Variants in UBE3A observed in about 807,000 individuals in gnomAD.
The protein encoded by UBE3A is ubiquitin protein ligase E3A.
A neutral mutation model predicts 83.4 loss-of-function variants in UBE3A; 6 were observed. The ratio of observed to expected loss-of-function variants is 0.07; its 90% CI spans 0.04 to 0.14. The LOEUF (loss-of-function observed/expected upper bound fraction) is 0.14, where lower values mean the gene tolerates loss of function less well. Among genes scored for constraint, UBE3A ranks in the 10% least tolerant of loss-of-function variants. The pLI, the probability that UBE3A is intolerant of heterozygous loss-of-function variation, is 1.00. For missense variants in UBE3A, 456 were observed against 1,036.1 expected, an observed-to-expected ratio of 0.44 and a Z score of 7.69; for synonymous variants, 337 against 355.4, an observed-to-expected ratio of 0.95 and a Z score of 0.58.
chr15:25,365,805 C>G (rs1456080389), intron 6 of UBE3A, among the ~76,000 whole-genome samples: 1 of 150,726 alleles, frequency 6.6e-6, no homozygotes, highest in Non-Finnish European at 1.5e-5. Flanking sequence ...CTACTTCAGT[C>G]AACTTGAGGC....
At position 25,369,923 on chromosome 15, in the gene UBE3A, C is replaced by G. The variant is rs552070479; in HGVS notation, c.1608+643G>C. ...ACTTGATGTTACAGGCACCACTAATCCCCAGATTTTTGGAATAGCTGCTGT... is the reference window on the plus strand; with the variant it reads ...ACTTGATGTTACAGGCACCACTAATGCCCAGATTTTTGGAATAGCTGCTGT... On this transcript the variant is annotated intron_variant, in intron 6 of 12. Coordinates refer to ENST00000648336, the MANE Select transcript of UBE3A (RefSeq NM_130839.5). 4.6e-5 allele frequency among the ~76,000 whole-genome samples: 7 copies of G among 152,270 alleles called. No homozygotes were observed. In the South Asian group the frequency reaches 1.5e-3, roughly 32 times the overall value.
At chr15:25,407,203 A>T in intron 3 of UBE3A, 6 of 1,323,114 alleles carry the variant, frequency 4.5e-6, no homozygotes, top group Non-Finnish European at 6.0e-6. Context: ...CTCCAGCATC[A>T]GATGTCATAC....
At chr15:25,384,528 A>C (rs1313284420) in intron 4 of UBE3A, among the ~76,000 whole-genome samples, 1 of 151,984 alleles carries the variant, frequency 6.6e-6, no homozygotes, top group Non-Finnish European at 1.5e-5. Context: ...AATACAAATA[A>C]ATGGAAAGAC....
At chr15:25,412,567 A>C (rs559042843) in intron 1 of UBE3A, among the ~76,000 whole-genome samples, 1 of 152,310 alleles carries the variant, frequency 6.6e-6, no homozygotes, top group Non-Finnish European at 1.5e-5. Context: ...ATCAAAACTT[A>C]ACTCTTAAAA....
At chr15:25,428,712 T>C (rs1275543444) in intron 1 of UBE3A, among the ~76,000 whole-genome samples, 1 of 152,200 alleles carries the variant, frequency 6.6e-6, no homozygotes, top group Non-Finnish European at 1.5e-5. Context: ...TGAGATAGCA[T>C]TTCACATGCC....
intron 1 of UBE3A, among the ~76,000 whole-genome samples, chr15:25,423,608 T>C (rs544601512): frequency 6.6e-6 from 1 of 152,254 alleles, no homozygotes; most frequent in East Asian, 1.9e-4. Flanking sequence ...CCATCTCAGG[T>C]TTCTCAAGGA....
intron 1 of UBE3A, among the ~76,000 whole-genome samples, chr15:25,428,033 T>C (rs529925233): frequency 6.6e-6 from 1 of 152,120 alleles, no homozygotes; most frequent in South Asian, 2.1e-4. Flanking sequence ...GCTAAAAAAG[T>C]ATATCTCAAG....
chr15:25,391,828 G>T (rs1273205610), intron 4 of UBE3A: 1 of 152,272 alleles, frequency 6.6e-6, no homozygotes, highest in African/African-American at 2.4e-5. Flanking sequence ...GGGTAAAACA[G>T]TTTTGAGTTG....
chr15:25,405,298 A>G (rs771512743), intron 4 of UBE3A, among the ~76,000 whole-genome samples, 163 bp downstream of exon 4: 11 of 152,158 alleles, frequency 7.2e-5, no homozygotes, highest in Non-Finnish European at 1.5e-4. Context: ...CGAGGTTTAG[A>G]GTTATCTGAT....
In UBE3A at chr15:25,352,455, A is replaced by AAGTT. The variant is rs530698048; in HGVS notation, c.2354+1894_2354+1897dup. On this transcript the variant is annotated intron_variant, in intron 11 of 12. Transcript: ENST00000648336. Reference sequence around the variant, plus strand: ...TTTTTTTGTTTCCCAGTGCTTATAAAAGTTACGTTTACATTATACTGTAGT... The same window carrying AAGTT: ...TTTTTTTGTTTCCCAGTGCTTATAAAAGTTAGTTACGTTTACATTATACTGTAGT... Among the ~76,000 whole-genome samples the AAGTT allele has an allele frequency of 2.6e-4, 40 of 152,334 alleles. 1 individual carries two copies. In the South Asian group the frequency reaches 2.9e-3, roughly 11 times the overall value.
In UBE3A at chr15:25,376,540, C is replaced by CTTGGGA. The variant is rs558567769; in HGVS notation, c.63-783_63-778dup. On this transcript the variant is annotated intron_variant, in intron 4 of 12. Transcript: ENST00000648336. ...TGGCATGCACCTGTAGTCCCAGCTA[C>CTTGGGA]TTGGGAGGCTGAGGATCACTTGAGC... Among the ~76,000 whole-genome samples, 100 of 152,122 alleles carry CTTGGGA rather than the reference C, an allele frequency of 6.6e-4. 1 individual carries two copies. The South Asian group carries it at 0.02, about 30-fold the overall frequency.
intron 11 of UBE3A, among the ~76,000 whole-genome samples, chr15:25,347,588 T>C (rs2075880555): frequency 6.6e-6 from 1 of 152,130 alleles, no homozygotes; most frequent in South Asian, 2.1e-4. Context: ...TAGTCCCAGC[T>C]ACCCAGGAGG....
chr15:25,405,939 C>T (rs932531278), intron 3 of UBE3A, among the ~76,000 whole-genome samples: 12 of 152,162 alleles, frequency 7.9e-5, no homozygotes, highest in African/African-American at 2.9e-4. Context: ...CCTAGGCAGA[C>T]AGACTAAAGC....
At chr15:25,423,745 T>G (rs2153163177) in intron 1 of UBE3A, among the ~76,000 whole-genome samples, 1 of 152,340 alleles carries the variant, frequency 6.6e-6, no homozygotes, top group African/African-American at 2.4e-5. Context: ...GGGCATGTGA[T>G]ATGATGCACA....
intron 4 of UBE3A, among the ~76,000 whole-genome samples, chr15:25,387,265 T>C (rs1361646018): frequency 6.6e-6 from 1 of 152,234 alleles, no homozygotes; most frequent in African/African-American, 2.4e-5. Context: ...CTCACGCCTG[T>C]AATCCCAGCA....
chr15:25,436,795 A>C (rs1418531780), intron 1 of UBE3A, among the ~76,000 whole-genome samples: 1 of 152,186 alleles, frequency 6.6e-6, no homozygotes, highest in Non-Finnish European at 1.5e-5. Context: ...CAGATAAAAC[A>C]TAAGTAGCTT....
intron 4 of UBE3A, among the ~76,000 whole-genome samples, chr15:25,389,158 T>C (rs1027311594): frequency 5.3e-5 from 8 of 151,610 alleles, no homozygotes; most frequent in Non-Finnish European, 7.4e-5. Context: ...TGGACCCACA[T>C]AGTCAAAGGA....
At position 25,438,714 on chromosome 15, in the gene UBE3A, G is replaced by C. The variant is rs1766329578; in HGVS notation, c.-390C>G. Reference sequence around the variant, plus strand: ...CAGCCGCCGCTGCCTGTCCACACCGGGGGGCTGAGGGGCCCTCCTGCCAGG... The same window carrying C: ...CAGCCGCCGCTGCCTGTCCACACCGCGGGGCTGAGGGGCCCTCCTGCCAGG... On this transcript the variant is annotated 5_prime_UTR_variant, in exon 1 of 13. Coordinates refer to ENST00000648336, the MANE Select transcript of UBE3A (RefSeq NM_130839.5). The C allele has an allele frequency of 6.6e-6, 1 of 152,396 alleles. No homozygotes were observed. The highest frequency in any genetic ancestry group is 2.4e-5 in the African/African-American group (1 of 41,458). 9.4% of individuals were successfully genotyped at this position (152,396 alleles called of 1,614,324 possible). A position where few individuals can be genotyped will look rare whatever the true frequency, so the allele number is the denominator to read the frequency against.
At chr15:25,391,259 T>TA (rs2152957974) in intron 4 of UBE3A, among the ~76,000 whole-genome samples, 1 of 152,322 alleles carries the variant, frequency 6.6e-6, no homozygotes, top group East Asian at 1.9e-4. Context: ...GACAAATACT[T>TA]AATGATTCCA....
Sources: gnomAD v4.1 joint callset for allele counts (sites outside exome capture counted in the v4.1 genomes callset) on GRCh38, gnomAD v4.1.1 for gene constraint, MANE v1.5 for transcripts, NCBI Gene and HGNC (gene_info 2026-07-23, HGNC 2026-07-21) for gene names.